Variants in OR1J2 observed in about 807,000 individuals in gnomAD.
The protein encoded by OR1J2 is olfactory receptor family 1 subfamily J member 2, also known as olfactory receptor 1J2.
For synonymous variants in OR1J2, 142 were observed against 99.7 expected (o/e 1.42, Z -2.52); for missense variants, 304 against 246.1 (o/e 1.24, Z -1.57).
At chr9:122,481,779 T>A in the OR1J2 span, among the ~76,000 whole-genome samples, 1 of 152,162 alleles carries the variant, frequency 6.6e-6, no homozygotes, top group African/African-American at 2.4e-5. Context: ...GTCTCTTCAA[T>A]AAATGGTGAT....
the OR1J2 span, among the ~76,000 whole-genome samples, chr9:122,560,208 G>A: frequency 2.0e-5 from 3 of 150,782 alleles, no homozygotes. Context: ...CTTTTATTTT[G>A]AGCCTATTTG....
the OR1J2 span, among the ~76,000 whole-genome samples, chr9:122,450,056 G>A: frequency 6.6e-6 from 1 of 152,096 alleles, no homozygotes; most frequent in East Asian, 1.9e-4. Flanking sequence ...ACAATGTGAT[G>A]TTTTGATCTA....
At chr9:122,451,249 G>T in the OR1J2 span, among the ~76,000 whole-genome samples, 1 of 151,022 alleles carries the variant, frequency 6.6e-6, no homozygotes, top group African/African-American at 2.4e-5. Context: ...GCAATGGCGC[G>T]ATCTCAGCTC....
the OR1J2 span, among the ~76,000 whole-genome samples, chr9:122,467,340 G>A: frequency 6.6e-5 from 10 of 152,066 alleles, no homozygotes; most frequent in East Asian, 1.9e-3. Context: ...ATTCTGCCCC[G>A]CTCCACCACC....
chr9:122,473,845 C>A, the OR1J2 span, among the ~76,000 whole-genome samples: 1 of 152,152 alleles, frequency 6.6e-6, no homozygotes, highest in Non-Finnish European at 1.5e-5. Context: ...TTATTTGCTA[C>A]CCTAGGAATT....
chr9:122,478,043 G>A, the OR1J2 span: 1 of 703,272 alleles, frequency 1.4e-6, no homozygotes, highest in Middle Eastern at 3.5e-4. Flanking sequence ...CTTAGAGAAT[G>A]TCTTCATATT....
the OR1J2 span, among the ~76,000 whole-genome samples, chr9:122,463,273 T>G: frequency 6.6e-6 from 1 of 152,212 alleles, no homozygotes; most frequent in Non-Finnish European, 1.5e-5. Context: ...TTTTCAGAAG[T>G]TATGATTATT....
chr9:122,549,598 G>A, the OR1J2 span, among the ~76,000 whole-genome samples: 1 of 152,132 alleles, frequency 6.6e-6, no homozygotes, highest in Non-Finnish European at 1.5e-5. Flanking sequence ...AATTTTCCTA[G>A]AACTGTTTGT....
chr9:122,452,748 G>T, the OR1J2 span, among the ~76,000 whole-genome samples: 2 of 152,128 alleles, frequency 1.3e-5, no homozygotes, highest in Non-Finnish European at 2.9e-5. Flanking sequence ...TTGTATGGTG[G>T]CTGGACACAG....
chr9:122,482,621 T>A, the OR1J2 span, among the ~76,000 whole-genome samples: 1 of 152,162 alleles, frequency 6.6e-6, no homozygotes, highest in Non-Finnish European at 1.5e-5. Flanking sequence ...TAAATGTCCA[T>A]CAGTGGATAA....
chr9:122,569,321 CTT>C, the OR1J2 span, among the ~76,000 whole-genome samples: 1,246 of 152,150 alleles, frequency 8.2e-3, 16 homozygotes, highest in African/African-American at 0.029. Flanking sequence ...TTTAATTTAT[CTT>C]TTACGTGTTA....
At chr9:122,470,894 C>A in the OR1J2 span, among the ~76,000 whole-genome samples, 3 of 152,188 alleles carry the variant, frequency 2.0e-5, no homozygotes, top group African/African-American at 7.2e-5. Context: ...TTGTTTTGGC[C>A]AATTTCCCCC....
At chr9:122,520,071 T>G in the OR1J2 span, 1 of 1,609,768 alleles carries the variant, frequency 6.2e-7, no homozygotes, top group South Asian at 1.1e-5. Context: ...GGCAACAGTC[T>G]TATCTCAATG....
the OR1J2 span, among the ~76,000 whole-genome samples, chr9:122,449,631 A>G: frequency 6.6e-6 from 1 of 152,042 alleles, no homozygotes; most frequent in Non-Finnish European, 1.5e-5. Context: ...GGCCTTCCAA[A>G]GTGCTGGGAT....
At chr9:122,466,461 C>T in the OR1J2 span, among the ~76,000 whole-genome samples, 5 of 152,162 alleles carry the variant, frequency 3.3e-5, no homozygotes, top group Admixed American at 1.3e-4. Context: ...CTCAGCTTGT[C>T]AAAAGAGTAC....
At chr9:122,475,591 T>C in the OR1J2 span, 5 of 152,222 alleles carry the variant, frequency 3.3e-5, no homozygotes, top group African/African-American at 1.2e-4. Context: ...CCACATTAGA[T>C]TGAGAGGCTC....
At chr9:122,528,686 A>G in the OR1J2 span, among the ~76,000 whole-genome samples, 42 of 152,344 alleles carry the variant, frequency 2.8e-4, no homozygotes, top group Middle Eastern at 3.4e-3. Flanking sequence ...AGGTACCTGT[A>G]TTTAAAAACT....
chr9:122,505,615 G>C, the OR1J2 span, among the ~76,000 whole-genome samples: 1 of 152,030 alleles, frequency 6.6e-6, no homozygotes, highest in African/African-American at 2.4e-5. Context: ...TATGAAAAAG[G>C]CCAAAATAAA....
chr9:122,535,377 C>A, the OR1J2 span, among the ~76,000 whole-genome samples: 1 of 152,042 alleles, frequency 6.6e-6, no homozygotes, highest in Admixed American at 6.5e-5. Context: ...AGAGGTGTCC[C>A]TGCAATGATT....
Sources: gnomAD v4.1 joint callset for allele counts (sites outside exome capture counted in the v4.1 genomes callset) on GRCh38, gnomAD v4.1.1 for gene constraint, MANE v1.5 for transcripts, NCBI Gene and HGNC (gene_info 2026-07-23, HGNC 2026-07-21) for gene names.